TNFRSF11A: variants seen among roughly 807,000 people sequenced by gnomAD.
TNFRSF11A encodes the protein tumor necrosis factor receptor superfamily member 11A.
Under a neutral mutation model 55.7 loss-of-function variants are expected in TNFRSF11A, and 32 were observed. The ratio of observed to expected loss-of-function variants is 0.57; its 90% CI spans 0.43 to 0.77. The LOEUF (loss-of-function observed/expected upper bound fraction) is 0.77, where lower values mean the gene tolerates loss of function less well. Ranked by LOEUF, TNFRSF11A falls within the 30% of genes least tolerant of loss-of-function variation. The pLI is 0.00. For synonymous variants in TNFRSF11A, 311 were observed against 331.0 expected, an observed-to-expected ratio of 0.94 and a Z score of 0.65; for missense variants, 753 against 809.8, an observed-to-expected ratio of 0.93 and a Z score of 0.85.
At chr18:62,332,887 C>A (rs1183689504) in intron 1 of TNFRSF11A, among the ~76,000 whole-genome samples, 1 of 152,184 alleles carries the variant, frequency 6.6e-6, no homozygotes, top group African/African-American at 2.4e-5. Context: ...TGGGGAAGGT[C>A]GGATGTCCCA....
intron 1 of TNFRSF11A, among the ~76,000 whole-genome samples, chr18:62,326,767 G>A (rs550347257): frequency 9.2e-5 from 14 of 152,256 alleles, no homozygotes; most frequent in African/African-American, 2.9e-4. Context: ...TTGCCTTTAA[G>A]CCCCTTTCAT....
Position 62,387,208 on chromosome 18 carries a change from G to T in TNFRSF11A, c.*2174G>T, listed in dbSNP as rs554700296. The T allele has an allele frequency of 1.3e-4, 20 of 152,194 alleles. No homozygotes were observed. The East Asian group carries it at 3.9e-3, about 29-fold the overall frequency. The allele number at this position is 152,194 out of a possible 1,614,324, so 9.4% of individuals were successfully genotyped here. On this transcript the variant is annotated 3_prime_UTR_variant, in exon 10 of 10. Coordinates refer to ENST00000586569, the MANE Select transcript of TNFRSF11A (RefSeq NM_003839.4). ...AAGTAAGACTCTACTTTCAGAAAAA[G>T]GTAATATTATTTCCTGCACTGATCC... is the stretch of plus-strand genomic sequence containing the variant.
chr18:62,388,439 C>T lies in TNFRSF11A; in HGVS notation c.*3405C>T, dbSNP rs868859346. On this transcript the variant is annotated 3_prime_UTR_variant, in exon 10 of 10. Transcript: ENST00000586569. ...CCAAGGGATGGGGGAGCAGCATATC[C>T]CCCCATGGGAAGAGTTGCGGAATGA... is the stretch of plus-strand genomic sequence containing the variant. 1 of 152,346 alleles carries T rather than the reference C, an allele frequency of 6.6e-6. No individual in the cohort carries two copies. The highest frequency in any genetic ancestry group is 1.5e-5 in the Non-Finnish European group (1 of 68,144). 9.4% of individuals were successfully genotyped at this position (152,346 alleles called of 1,614,324 possible).
intron 9 of TNFRSF11A, 65 bp downstream of exon 9, chr18:62,369,549 G>A: frequency 3.8e-6 from 6 of 1,582,572 alleles, no homozygotes; most frequent in Non-Finnish European, 5.1e-6. Flanking sequence ...GGGTTTGGGG[G>A]CAGGTATTAC....
intron 7 of TNFRSF11A, among the ~76,000 whole-genome samples, chr18:62,363,503 G>A (rs1186743927): frequency 1.3e-5 from 2 of 151,378 alleles, no homozygotes; most frequent in African/African-American, 4.9e-5. Flanking sequence ...TGAGTACCTG[G>A]GATTACGGGC....
At chr18:62,384,684 C>T in intron 9 of TNFRSF11A, 67 bp from the exon 10 acceptor site, 1 of 1,572,148 alleles carries the variant, frequency 6.4e-7, no homozygotes, top group South Asian at 1.2e-5. Context: ...CGGAACCTTC[C>T]TCTCGGCAGA....
chr18:62,336,207 T>C (rs745888017), intron 1 of TNFRSF11A: 5 of 152,236 alleles, frequency 3.3e-5, no homozygotes, highest in Non-Finnish European at 5.9e-5. Context: ...TCTAGCCTGC[T>C]CCTCAGAGAC....
Position 62,369,314 on chromosome 18 carries a change from G to A in TNFRSF11A, c.1397G>A (p.Arg466His), listed in dbSNP as rs35993683. Reference sequence around the variant, plus strand: ...GAACCCCTCGTGGGTTCCCCAAAACGTGGACCCTTGCCCCAGTGCGCCTAT... The same window carrying A: ...GAACCCCTCGTGGGTTCCCCAAAACATGGACCCTTGCCCCAGTGCGCCTAT... ...DCEPLVGSPK[R>H]GPLPQCAYGM... The change falls in exon 9 of 10, where the codon CGT becomes CAT. Residue 466 changes from arginine (R) to histidine (H), a missense_variant. Around this residue, in one of 3 missense-constraint regions of TNFRSF11A, gnomAD observed 567 missense variants for 596.7 expected, o/e 0.95. Coordinates refer to ENST00000586569, the MANE Select transcript of TNFRSF11A (RefSeq NM_003839.4). 1.9e-3 allele frequency: 3,016 copies of A among 1,610,450 alleles called. 44 individuals are homozygous for A. The African/African-American group carries it at 0.036, about 19-fold the overall frequency.
chr18:62,384,659 C>T, intron 9 of TNFRSF11A, 92 bp from the exon 10 acceptor site: 2 of 1,472,868 alleles, frequency 1.4e-6, no homozygotes, highest in Non-Finnish European at 9.3e-7. Flanking sequence ...ATCCGGGGAG[C>T]CGCCCTCCAC....
rs951342543 is a variant in TNFRSF11A, at chr18:62,380,603, A to AT, written c.1568-4140dup. On this transcript the variant is annotated intron_variant, in intron 9 of 9. Transcript: ENST00000586569. ...AGGCGCCTGCCACCACACCCAGCTA[A>AT]TTTTTTTTATTTTTAGTAGAGACCA... Among the ~76,000 whole-genome samples the AT allele has an allele frequency of 4.6e-5, 7 of 150,694 alleles. No homozygotes were observed. The South Asian group carries it at 8.5e-4, about 18-fold the overall frequency.
intron 2 of TNFRSF11A, 146 bp from the exon 3 acceptor site, chr18:62,349,666 A>AT: frequency 1.1e-6 from 1 of 916,452 alleles, no homozygotes; most frequent in Non-Finnish European, 1.7e-6. Flanking sequence ...CCTGTGTCAT[A>AT]TTGTCTTTGG....
At chr18:62,366,551 G>C (rs1910099222) in intron 7 of TNFRSF11A, among the ~76,000 whole-genome samples, 157 bp from the exon 8 acceptor site, 1 of 152,128 alleles carries the variant, frequency 6.6e-6, no homozygotes, top group African/African-American at 2.4e-5. Flanking sequence ...GTGAGATGAT[G>C]GGTATGTTAA....
In TNFRSF11A at chr18:62,369,213, G is replaced by T; in HGVS notation, c.1296G>T (p.Pro432=). ...LQKEVDSGHC[P]HWAASPSPNW... ...AAGAGGTGGACAGTGGCCATTGCCC[G>T]CACTGGGCAGCCAGCCCCAGCCCCA... is the stretch of plus-strand genomic sequence containing the variant. Residue 432 remains proline (P), a synonymous_variant, in exon 9 of 10, where the codon CCG becomes CCT. Coordinates refer to ENST00000586569, the MANE Select transcript of TNFRSF11A (RefSeq NM_003839.4). 1 of 1,613,792 alleles carries T rather than the reference G, an allele frequency of 6.2e-7. No individual in the cohort carries two copies. Among genetic ancestry groups the T allele is most frequent in the Non-Finnish European group, 8.5e-7 (1 of 1,180,048 alleles).
chr18:62,335,684 A>G (rs974202342), intron 1 of TNFRSF11A, among the ~76,000 whole-genome samples: 2 of 152,192 alleles, frequency 1.3e-5, no homozygotes, highest in Non-Finnish European at 2.9e-5. Flanking sequence ...CAGCCCAGAA[A>G]GAGATTGCTA....
At position 62,349,297 on chromosome 18, in the gene TNFRSF11A, T is replaced by A. The variant is rs553827800; in HGVS notation, c.158-515T>A. Among the ~76,000 whole-genome samples the A allele has an allele frequency of 1.2e-3, 187 of 152,050 alleles. 1 individual carries two copies. The highest frequency in any genetic ancestry group is 4.4e-3 in the African/African-American group (183 of 41,460). ...AGGTTGAGGCAGCAATTCTCCTGCC[T>A]CAGCCTCCCAAGTAGCTGGGACTAC... is the stretch of plus-strand genomic sequence containing the variant. On this transcript the variant is annotated intron_variant, in intron 2 of 9. Transcript: ENST00000586569.
chr18:62,362,607 A>C (rs1415687150), intron 7 of TNFRSF11A, among the ~76,000 whole-genome samples: 3 of 151,974 alleles, frequency 2.0e-5, no homozygotes, highest in African/African-American at 7.2e-5. Context: ...TCTTGGGAAT[A>C]ATTTTCCCAC....
intron 6 of TNFRSF11A, among the ~76,000 whole-genome samples, chr18:62,360,549 C>T (rs754814990): frequency 7.2e-5 from 11 of 151,888 alleles, no homozygotes; most frequent in Non-Finnish European, 1.5e-4. Flanking sequence ...CGGGTTCAAG[C>T]GATTCTCCTG....
chr18:62,325,311 G>T lies in TNFRSF11A; in HGVS notation c.-42G>T. Reference sequence around the variant, plus strand: ...CGGCAGCCGCGCCCGCTGGGCCACAGAGGCCGCTGAGGCCGCGGCGCCCGC... The same window carrying T: ...CGGCAGCCGCGCCCGCTGGGCCACATAGGCCGCTGAGGCCGCGGCGCCCGC... On this transcript the variant is annotated 5_prime_UTR_variant, in exon 1 of 10. Coordinates refer to ENST00000586569, the MANE Select transcript of TNFRSF11A (RefSeq NM_003839.4). This position sits in a 1 kb window ranked among gnomAD's most constrained non-coding sequence, Gnocchi z 4.7. 2 of 961,216 alleles carry T rather than the reference G, an allele frequency of 2.1e-6. No homozygotes were observed. Among genetic ancestry groups the T allele is most frequent in the Non-Finnish European group, 2.5e-6 (2 of 804,200 alleles). The allele number at this position is 961,216 out of a possible 1,614,324, so 59.5% of individuals were successfully genotyped here. A position where few individuals can be genotyped will look rare whatever the true frequency, so the allele number is the denominator to read the frequency against.
chr18:62,359,603 T>C (rs1296150856), intron 5 of TNFRSF11A, among the ~76,000 whole-genome samples: 2 of 152,166 alleles, frequency 1.3e-5, no homozygotes, highest in Admixed American at 1.3e-4. Flanking sequence ...AGTCTCTAAT[T>C]CCTGGGCTCA....
Sources: gnomAD v4.1 joint callset for allele counts (sites outside exome capture counted in the v4.1 genomes callset) on GRCh38, gnomAD v4.1.1 for gene constraint, gnomAD v4.1.1 regional missense constraint, Gnocchi (gnomAD v3.1) non-coding constraint, MANE v1.5 for transcripts, NCBI Gene and HGNC (gene_info 2026-07-23, HGNC 2026-07-21) for gene names.